The following SOS2 variants were observed in gnomAD, a reference collection of about 807,000 sequenced individuals.
The protein encoded by SOS2 is SOS Ras/Rho guanine nucleotide exchange factor 2, also known as son of sevenless homolog 2.
In SOS2, 65 loss-of-function variants were observed where a neutral mutation model predicts 148.2. That is an observed-to-expected ratio of 0.44 (90% CI 0.36 to 0.54). The LOEUF is 0.54. Among genes scored for constraint, SOS2 ranks in the 20% least tolerant of loss-of-function variants. SOS2 has a pLI of 0.00. For missense variants in SOS2, 1,341 were observed against 1,590.2 expected (o/e 0.84, Z 2.67); for synonymous variants, 539 against 537.1 (o/e 1.00, Z -0.05).
At chr14:50,204,213 A>G in intron 2 of SOS2, 71 bp downstream of exon 2, 1 of 868,948 alleles carries the variant, frequency 1.2e-6, no homozygotes, top group Non-Finnish European at 1.7e-6. Flanking sequence ...AATAAATTAG[A>G]ATGATATAGA....
In SOS2 at chr14:50,217,810, G is replaced by A. The variant is rs570725074; in HGVS notation, c.87+13387C>T. Among the ~76,000 whole-genome samples the A allele has an allele frequency of 5.3e-5, 8 of 152,130 alleles. No individual in the cohort carries two copies. The East Asian group carries it at 1.5e-3, about 29-fold the overall frequency. On this transcript the variant is annotated intron_variant, in intron 1 of 22. Coordinates refer to ENST00000216373, the MANE Select transcript of SOS2 (RefSeq NM_006939.4). ...TCTGTACTAAAAATACAAAAAATTA[G>A]CTGGGCGTGGTGGCGGGCGCCTGTA... is the stretch of plus-strand genomic sequence containing the variant.
intron 7 of SOS2, among the ~76,000 whole-genome samples, chr14:50,179,147 C>T (rs920104506): frequency 2.0e-5 from 3 of 151,876 alleles, no homozygotes; most frequent in African/African-American, 7.3e-5. Flanking sequence ...TTGTCAAAGG[C>T]AATTTATATC....
Position 50,177,348 on chromosome 14 carries a change from C to T in SOS2, c.970-2796G>A, listed in dbSNP as rs961522538. ...ATAAATAAATAAATAAAGTACGCTA[C>T]ACAGCTTCTAAAGATGCTTTTTGTT... On this transcript the variant is annotated intron_variant, in intron 7 of 22. Transcript: ENST00000216373. 3.2e-4 allele frequency among the ~76,000 whole-genome samples: 49 copies of T among 152,246 alleles called. 1 individual carries two copies. Among genetic ancestry groups the T allele is most frequent in the Non-Finnish European group, 4.4e-5 (3 of 68,010 alleles).
At chr14:50,145,927 G>C (rs1365280968) in intron 14 of SOS2, among the ~76,000 whole-genome samples, 1 of 152,106 alleles carries the variant, frequency 6.6e-6, no homozygotes, top group Non-Finnish European at 1.5e-5. Flanking sequence ...CTGAGGTCAG[G>C]AGTTCGAGAC....
chr14:50,208,970 T>C (rs1348167574), intron 1 of SOS2, among the ~76,000 whole-genome samples: 4 of 152,290 alleles, frequency 2.6e-5, no homozygotes, highest in East Asian at 3.9e-4. Flanking sequence ...TTTGAGTTGG[T>C]AGACTGAGAA....
intron 21 of SOS2, among the ~76,000 whole-genome samples, chr14:50,123,314 T>C (rs924373282): frequency 3.3e-5 from 5 of 151,388 alleles, no homozygotes; most frequent in African/African-American, 1.2e-4. Flanking sequence ...CCAAACTGTG[T>C]AGGGCCTGTG....
intron 13 of SOS2, among the ~76,000 whole-genome samples, chr14:50,152,793 CATCTCT>C (rs1884701491): frequency 6.6e-6 from 1 of 151,838 alleles, no homozygotes; most frequent in Non-Finnish European, 1.5e-5. Flanking sequence ...GGTGAAATAC[CATCTCT>C]ACTAAAAATA....
At chr14:50,194,142 C>T (rs544558612) in intron 4 of SOS2, among the ~76,000 whole-genome samples, 8 of 152,316 alleles carry the variant, frequency 5.3e-5, no homozygotes, top group African/African-American at 1.4e-4. Flanking sequence ...AACTACAGGC[C>T]AAATCCAGCC....
intron 4 of SOS2, among the ~76,000 whole-genome samples, chr14:50,192,463 G>T (rs1886173076): frequency 6.6e-6 from 1 of 152,144 alleles, no homozygotes; most frequent in African/African-American, 2.4e-5. Flanking sequence ...GGCTGATGTG[G>T]GAGAATCGCT....
intron 18 of SOS2, among the ~76,000 whole-genome samples, chr14:50,137,293 C>T (rs1884113313): frequency 6.6e-6 from 1 of 152,186 alleles, no homozygotes; most frequent in Non-Finnish European, 1.5e-5. Flanking sequence ...GCCAGGCATA[C>T]ATATACCACT....
intron 5 of SOS2, among the ~76,000 whole-genome samples, chr14:50,187,139 C>G (rs1566843297): frequency 6.6e-6 from 1 of 151,902 alleles, no homozygotes; most frequent in Non-Finnish European, 1.5e-5. Context: ...GCCTCCCCAG[C>G]AGCTGGGATT....
chr14:50,138,759 C>T lies in SOS2; in HGVS notation c.2811G>A (p.Lys937=). 2 of 1,009,908 alleles carry T rather than the reference C, an allele frequency of 2.0e-6. No individual in the cohort carries two copies. The highest frequency in any genetic ancestry group is 1.6e-5 in the South Asian group (1 of 63,510). 62.6% of individuals were successfully genotyped at this position (1,009,908 alleles called of 1,614,324 possible). Residue 937 remains lysine (K), a synonymous_variant, in exon 18 of 23, where the codon AAG becomes AAA. Transcript: ENST00000216373. The part of the protein sequence containing the change: ...FFGIYLTNIL[K]TEEGNNDFLK... The stretch of plus-strand genomic sequence containing the variant: ...AAAAATCATTATTCCCTTCTTCGGT[C>T]TTCAGAATATTTGTTAAATATATTC...
intron 2 of SOS2, among the ~76,000 whole-genome samples, chr14:50,202,356 C>T (rs545942375): frequency 3.9e-5 from 6 of 152,258 alleles, no homozygotes; most frequent in African/African-American, 1.4e-4. Context: ...GCAGGGTTTC[C>T]TATATTTATA....
At position 50,224,360 on chromosome 14, in the gene SOS2, CACACAT is replaced by C. The variant is rs1245917058; in HGVS notation, c.87+6831_87+6836del. Among the ~76,000 whole-genome samples, 998 of 100,784 alleles carry C rather than the reference CACACAT, an allele frequency of 9.9e-3. 18 individuals carry two copies. The highest frequency in any genetic ancestry group is 0.015 in the Middle Eastern group (3 of 198). The allele number at this position is 100,784 out of a possible 152,430, so 66.1% of individuals were successfully genotyped here. A position where few individuals can be genotyped will look rare whatever the true frequency, so the allele number is the denominator to read the frequency against. ...ACACACACACACACACACACACACA[CACACAT>C]ATATATAAATGGGCTCTGGGGAGGT... On this transcript the variant is annotated intron_variant, in intron 1 of 22. Transcript: ENST00000216373.
At chr14:50,229,243 A>T (rs892268643) in intron 1 of SOS2, among the ~76,000 whole-genome samples, 2 of 152,222 alleles carry the variant, frequency 1.3e-5, no homozygotes, top group Non-Finnish European at 2.9e-5. Context: ...CCAAAAATAT[A>T]AAAAAATTTT....
At chr14:50,156,951 G>GTACA in intron 12 of SOS2, 48 bp downstream of exon 12, 1 of 844,206 alleles carries the variant, frequency 1.2e-6, no homozygotes, top group Non-Finnish European at 1.8e-6. Context: ...GTGTGTGTGT[G>GTACA]TATATATATG....
At chr14:50,156,678 A>T (rs1366053619) in intron 12 of SOS2, 1 of 154,444 alleles carries the variant, frequency 6.5e-6, no homozygotes, top group Non-Finnish European at 1.4e-5. Flanking sequence ...GAAAGCTCAC[A>T]TGAAATTTTA....
intron 1 of SOS2, among the ~76,000 whole-genome samples, chr14:50,219,745 T>C (rs529977822): frequency 4.6e-5 from 7 of 152,270 alleles, no homozygotes; most frequent in Middle Eastern, 6.8e-3. Context: ...AAATATAATA[T>C]TCTAAGGCAA....
At chr14:50,131,457 A>G (rs761680917) in intron 19 of SOS2, among the ~76,000 whole-genome samples, 9 of 152,240 alleles carry the variant, frequency 5.9e-5, no homozygotes, top group Non-Finnish European at 8.8e-5. Flanking sequence ...GCAAATGTCT[A>G]TTATGAAATA....
Sources: allele counts gnomAD v4.1 joint callset (sites outside exome capture counted in the v4.1 genomes callset), GRCh38; gene constraint gnomAD v4.1.1; transcripts MANE v1.5; gene names NCBI Gene and HGNC (gene_info 2026-07-23, HGNC 2026-07-21).